ZFHX3: variants seen among roughly 807,000 people sequenced by gnomAD.
The protein encoded by ZFHX3 is zinc finger homeobox protein 3.
A neutral mutation model predicts 279.1 loss-of-function variants in ZFHX3; 42 were observed. The ratio of observed to expected loss-of-function variants is 0.15; its 90% confidence interval spans 0.12 to 0.19. The LOEUF is 0.19. Among genes scored for constraint, ZFHX3 ranks in the 10% least tolerant of loss-of-function variants. ZFHX3 has a pLI of 1.00. For synonymous variants in ZFHX3, 2,293 were observed against 1,957.8 expected, an observed-to-expected ratio of 1.17 and a Z score of -4.52; for missense variants, 4,981 against 4,754.0, an observed-to-expected ratio of 1.05 and a Z score of -1.40.
At chr16:73,741,416 A>C (rs2053656665) in intron 1 of ZFHX3, among the ~76,000 whole-genome samples, 7 of 152,322 alleles carry the variant, frequency 4.6e-5, no homozygotes, top group Middle Eastern at 3.4e-3. Context: ...TCCATGCTCC[A>C]GAAGCAGGTC....
intron 2 of ZFHX3, among the ~76,000 whole-genome samples, chr16:73,481,626 T>C (rs1191053849): frequency 1.4e-5 from 2 of 147,008 alleles, no homozygotes; most frequent in Non-Finnish European, 3.0e-5. Context: ...GTTTTTTTGT[T>C]GTTGTTTGTT....
intron 2 of ZFHX3, among the ~76,000 whole-genome samples, chr16:73,529,577 T>C (rs1458966731): frequency 1.3e-5 from 2 of 152,206 alleles, no homozygotes; most frequent in Admixed American, 1.3e-4. Context: ...GTAGGCTTGA[T>C]GAAACTACTC....
intron 3 of ZFHX3, among the ~76,000 whole-genome samples, chr16:72,907,910 C>T (rs1254818162): frequency 2.0e-5 from 3 of 152,084 alleles, no homozygotes; most frequent in African/African-American, 7.2e-5. Flanking sequence ...TCTCAAACTC[C>T]TGGCCTCAAG....
intron 3 of ZFHX3, among the ~76,000 whole-genome samples, chr16:72,924,195 T>C (rs901249820): frequency 5.3e-5 from 8 of 152,238 alleles, no homozygotes; most frequent in African/African-American, 1.9e-4. Context: ...CTTTGTATTA[T>C]GTAACTAAAA....
chr16:73,359,730 A>G (rs1411757779), intron 3 of ZFHX3, among the ~76,000 whole-genome samples: 1 of 152,200 alleles, frequency 6.6e-6, no homozygotes, highest in Non-Finnish European at 1.5e-5. Context: ...CCCATTACCC[A>G]CAAGTCACTG....
chr16:73,696,150 G>C (rs984965147), intron 1 of ZFHX3, among the ~76,000 whole-genome samples: 3 of 152,174 alleles, frequency 2.0e-5, no homozygotes, highest in African/African-American at 7.2e-5. Flanking sequence ...TTGGTTGAGG[G>C]CTTTCAGTGG....
At chr16:73,638,931 T>G (rs1435741199) in intron 2 of ZFHX3, among the ~76,000 whole-genome samples, 1 of 152,156 alleles carries the variant, frequency 6.6e-6, no homozygotes, top group Non-Finnish European at 1.5e-5. Context: ...TGAGAGATAC[T>G]GAGGCTTCAT....
At chr16:72,936,200 C>T (rs1960115610) in intron 3 of ZFHX3, among the ~76,000 whole-genome samples, 1 of 152,188 alleles carries the variant, frequency 6.6e-6, no homozygotes, top group Non-Finnish European at 1.5e-5. Context: ...CCAACATATG[C>T]CTTAGGGCTC....
intron 3 of ZFHX3, among the ~76,000 whole-genome samples, chr16:73,355,613 A>G (rs2016326881): frequency 1.3e-5 from 2 of 152,336 alleles, no homozygotes; most frequent in South Asian, 4.1e-4. Flanking sequence ...TCTGTGATAC[A>G]AGAGTCCTAT....
At chr16:72,789,004 G>A in intron 9 of ZFHX3, 156 bp from the exon 10 acceptor site, 1 of 1,142,334 alleles carries the variant, frequency 8.8e-7, no homozygotes, top group Non-Finnish European at 1.2e-6. Flanking sequence ...ATCCCACCAG[G>A]CTCAGGGCTG....
chr16:73,132,518 C>G (rs1292907492), intron 6 of ZFHX3, among the ~76,000 whole-genome samples: 3 of 152,136 alleles, frequency 2.0e-5, no homozygotes, highest in African/African-American at 7.2e-5. Context: ...CCACTCCTAG[C>G]AATTTGGGGC....
chr16:73,110,405 T>A (rs962287328), intron 7 of ZFHX3, among the ~76,000 whole-genome samples: 1 of 152,188 alleles, frequency 6.6e-6, no homozygotes, highest in African/African-American at 2.4e-5. Context: ...TCAATTGTAA[T>A]AAAAGATACA....
chr16:72,879,460 C>T (rs535108699), intron 4 of ZFHX3, among the ~76,000 whole-genome samples: 3 of 152,318 alleles, frequency 2.0e-5, no homozygotes, highest in Non-Finnish European at 1.5e-5. Context: ...GAGTCTCGCT[C>T]TGTCGCCCAG....
chr16:73,698,810 A>G (rs1208687279), intron 1 of ZFHX3, among the ~76,000 whole-genome samples: 1 of 152,180 alleles, frequency 6.6e-6, no homozygotes, highest in Non-Finnish European at 1.5e-5. Flanking sequence ...AGGGTCCTGC[A>G]CTGGGTTCTG....
intron 2 of ZFHX3, among the ~76,000 whole-genome samples, chr16:73,500,539 C>CT (rs2019217922): frequency 6.6e-6 from 1 of 151,810 alleles, no homozygotes; most frequent in Non-Finnish European, 1.5e-5. Flanking sequence ...GCTGCCCAGG[C>CT]TGGTCTCAAA....
intron 5 of ZFHX3, among the ~76,000 whole-genome samples, chr16:73,152,371 C>T (rs1966965124): frequency 6.6e-6 from 1 of 151,994 alleles, no homozygotes; most frequent in African/African-American, 2.4e-5. Context: ...TTTCCATTGT[C>T]AATGTTTAAA....
intron 1 of ZFHX3, among the ~76,000 whole-genome samples, chr16:72,996,074 C>T (rs1261887260): frequency 9.2e-5 from 14 of 151,816 alleles, no homozygotes; most frequent in Admixed American, 7.9e-4. Flanking sequence ...TCCAGACCAG[C>T]CTGGCCAACA....
intron 3 of ZFHX3, among the ~76,000 whole-genome samples, chr16:73,398,371 A>T (rs1266406964): frequency 1.3e-5 from 2 of 152,218 alleles, no homozygotes; most frequent in Admixed American, 1.3e-4. Flanking sequence ...AGTGTCTAGG[A>T]TAAACAACAC....
At chr16:73,558,776 C>T (rs1188587094) in intron 2 of ZFHX3, among the ~76,000 whole-genome samples, 3 of 147,680 alleles carry the variant, frequency 2.0e-5, no homozygotes, top group African/African-American at 7.6e-5. Context: ...TCAGTGGCAC[C>T]ATGTCGGCTC....
Sources: gnomAD v4.1 joint callset for allele counts (sites outside exome capture counted in the v4.1 genomes callset) on GRCh38, gnomAD v4.1.1 for gene constraint, MANE v1.5 for transcripts, NCBI Gene and HGNC (gene_info 2026-07-23, HGNC 2026-07-21) for gene names.